Variants in ADAR observed in about 807,000 individuals in gnomAD.
ADAR encodes the protein adenosine deaminase RNA specific, also known as double-stranded RNA-specific adenosine deaminase.
Under a neutral mutation model 113.2 loss-of-function variants are expected in ADAR, and 41 were observed. That is an observed-to-expected ratio of 0.36 (90% CI 0.28 to 0.47). The LOEUF (loss-of-function observed/expected upper bound fraction) is 0.47. Among genes scored for constraint, ADAR ranks in the 20% least tolerant of loss-of-function variants. The pLI is 1.00. For missense variants in ADAR, 1,242 were observed against 1,540.9 expected, an observed-to-expected ratio of 0.81 and a Z score of 3.25; for synonymous variants, 605 against 572.6, an observed-to-expected ratio of 1.06 and a Z score of -0.81.
intron 13 of ADAR, 116 bp downstream of exon 13, chr1:154,585,634 CTTG>C: frequency 1.0e-6 from 1 of 992,832 alleles, no homozygotes; most frequent in Non-Finnish European, 1.6e-6. Flanking sequence ...GCAATGTTCC[CTTG>C]TGGGCTACCA....
Position 154,602,045 on chromosome 1 carries a change from G to C in ADAR, c.597C>G (p.Val199=), listed in dbSNP as rs1697915919. 1 of 1,614,242 alleles carries C rather than the reference G, an allele frequency of 6.2e-7. No individual in the cohort carries two copies. The highest frequency in any genetic ancestry group is 1.3e-5 in the African/African-American group (1 of 75,064). ...TGTGCTGGTTCCAAGCCTGAGTGGA[G>C]ACCGCGATTTTCCACAAAGGGGGTG... The part of the protein sequence containing the change: ...AGTPPLWKIA[V]STQAWNQHSG... Residue 199 remains valine (V), a synonymous_variant, in exon 2 of 15, where the codon GTC becomes GTG. Transcript: ENST00000368474.
Position 154,597,897 on chromosome 1 carries a change from C to A in ADAR, c.1865G>T (p.Cys622Phe). The A allele has an allele frequency of 6.2e-7, 1 of 1,614,164 alleles. No homozygotes were observed. The highest frequency in any genetic ancestry group is 8.5e-7 in the Non-Finnish European group (1 of 1,180,038). ...GCAGGAGTTCCCCAATTTGTGCATA[C>A]ACTCAAGCAGTGTGGTGACGGGGCT... ...GKSPVTTLLE[C>F]MHKLGNSCEF... Residue 622 changes from cysteine to phenylalanine, a missense_variant, in exon 4 of 15, where the codon TGT becomes TTT. Physicochemically the swap from Cys to Phe is radical, Grantham distance 205. This residue lies in a region of ADAR where 780 missense variants were observed against 1,057.9 expected (regional missense o/e 0.74). Transcript: ENST00000368474.
At position 154,584,651 on chromosome 1, in the gene ADAR, A is replaced by G. The variant is rs1696625208; in HGVS notation, c.*155T>C. Reference sequence around the variant, plus strand: ...AGCAATCCCAAAGAAAGCAGGATAAATGGGAACCCAAAGTTTTCAGTATCA... The same window carrying G: ...AGCAATCCCAAAGAAAGCAGGATAAGTGGGAACCCAAAGTTTTCAGTATCA... On this transcript the variant is annotated 3_prime_UTR_variant, in exon 15 of 15. Coordinates refer to ENST00000368474, the MANE Select transcript of ADAR (RefSeq NM_001111.5). 1 of 731,510 alleles carries G rather than the reference A, an allele frequency of 1.4e-6. No homozygotes were observed. The highest frequency in any genetic ancestry group is 2.3e-6 in the Non-Finnish European group (1 of 428,586). The allele number at this position is 731,510 out of a possible 1,614,324, so 45.3% of individuals were successfully genotyped here.
chr1:154,601,408 C>T lies in ADAR; in HGVS notation c.1234G>A (p.Gly412Arg). 6.2e-7 allele frequency: 1 copy of T among 1,614,186 alleles called. No homozygotes were observed. The highest frequency in any genetic ancestry group is 8.5e-7 in the Non-Finnish European group (1 of 1,180,038). Residue 412 changes from glycine to arginine, a missense_variant, in exon 2 of 15, where the codon GGG becomes AGG. Physicochemically the swap from Gly to Arg is moderately radical, Grantham distance 125. Around this residue, in one of 2 missense-constraint regions of ADAR, gnomAD observed 780 missense variants for 1,057.9 expected, o/e 0.74. Coordinates refer to ENST00000368474, the MANE Select transcript of ADAR (RefSeq NM_001111.5). The surrounding 1 kb of genome is among the most constrained non-coding windows in gnomAD (Gnocchi z 4.7). ...TCTAACTTTATGACAGGTTCCTGCC[C>T]ATTCTCCACTTTTTCTGTGGTTACC... ...NMVTTEKVEN[G>R]QEPVIKLENR...
chr1:154,602,236 A>T lies in ADAR; in HGVS notation c.406T>A (p.Tyr136Asn). ...LSSHFQELSI[Y>N]QDQEQRILKF... ...AAGATCCTTTGTTCCTGATCTTGGTAGATACTCAGTTCCTGGAAATGTGAG... is the reference window on the plus strand; with the variant it reads ...AAGATCCTTTGTTCCTGATCTTGGTTGATACTCAGTTCCTGGAAATGTGAG... Residue 136 changes from tyrosine (Y) to asparagine (N), a missense_variant, in exon 2 of 15, where the codon TAC becomes AAC. By Grantham distance (143) the Tyr-to-Asn change is moderately radical. Transcript: ENST00000368474. The T allele has an allele frequency of 6.2e-7, 1 of 1,614,036 alleles. No homozygotes were observed. Among genetic ancestry groups the T allele is most frequent in the South Asian group, 1.1e-5 (1 of 91,074 alleles).
intron 1 of ADAR, chr1:154,605,988 A>G: frequency 1.1e-6 from 1 of 946,346 alleles, no homozygotes; most frequent in Non-Finnish European, 1.3e-6. Flanking sequence ...CATTCATTCT[A>G]TGGAATAGTA....
At chr1:154,585,519 A>G (rs980488671) in intron 13 of ADAR, 175 bp from the exon 14 acceptor site, 128 of 960,546 alleles carry the variant, frequency 1.3e-4, no homozygotes, top group Non-Finnish European at 2.0e-4. Context: ...CTCCACCTCG[A>G]TTCAGATTAA....
Position 154,589,924 on chromosome 1 carries a change from G to C in ADAR, c.2501C>G (p.Pro834Arg). ...RSPEAQPKTL[P>R]LTGSTFHDQI... ...GTCATGGAAGGTGCTGCCAGTGAGA[G>C]GGAGCTGTGGGGAAAAGAGGCTGTG... The change falls in exon 8 of 15, where the codon CCT (proline) becomes CGT (arginine). Residue 834 changes from proline to arginine, a missense_variant. By Grantham distance (103) the Pro-to-Arg change is moderately radical. Coordinates refer to ENST00000368474, the MANE Select transcript of ADAR (RefSeq NM_001111.5). 1 of 1,613,960 alleles carries C rather than the reference G, an allele frequency of 6.2e-7. No homozygotes were observed. The highest frequency in any genetic ancestry group is 8.5e-7 in the Non-Finnish European group (1 of 1,180,020).
intron 7 of ADAR, 116 bp downstream of exon 7, chr1:154,590,068 C>T: frequency 6.7e-7 from 1 of 1,491,840 alleles, no homozygotes; most frequent in Non-Finnish European, 9.3e-7. Context: ...TTACTGCTCT[C>T]TCGAGGCTAA....
At chr1:154,596,457 C>G (rs554835340) in intron 6 of ADAR, among the ~76,000 whole-genome samples, 1 of 152,242 alleles carries the variant, frequency 6.6e-6, no homozygotes, top group East Asian at 1.9e-4. Flanking sequence ...TCCGGCTGGT[C>G]TTGAACTCCC....
intron 1 of ADAR, among the ~76,000 whole-genome samples, chr1:154,619,965 A>T (rs941458757): frequency 6.6e-6 from 1 of 152,240 alleles, no homozygotes; most frequent in African/African-American, 2.4e-5. Flanking sequence ...AAAGACTTGT[A>T]CAAGAATGTC....
At position 154,584,708 on chromosome 1, in the gene ADAR, G is replaced by GA. The variant is rs771140418; in HGVS notation, c.*97dup. On this transcript the variant is annotated 3_prime_UTR_variant, in exon 15 of 15. Coordinates refer to ENST00000368474, the MANE Select transcript of ADAR (RefSeq NM_001111.5). ...ATGGCTTAAAAAGAAAAAAAAAGGA[G>GA]AAAAAAAAATCCCCTGACCATGTGA... The GA allele has an allele frequency of 7.4e-4, 816 of 1,096,744 alleles. No homozygotes were observed. The highest frequency in any genetic ancestry group is 9.3e-4 in the Non-Finnish European group (688 of 741,288). 67.9% of individuals were successfully genotyped at this position (1,096,744 alleles called of 1,614,324 possible).
intron 13 of ADAR, 114 bp from the exon 14 acceptor site, chr1:154,585,458 T>C: frequency 6.7e-7 from 1 of 1,501,282 alleles, no homozygotes; most frequent in South Asian, 1.2e-5. Context: ...ATCTTTCCCC[T>C]GTATTTAGGG....
intron 1 of ADAR, among the ~76,000 whole-genome samples, chr1:154,603,440 C>A (rs1698009128): frequency 6.6e-6 from 1 of 152,150 alleles, no homozygotes; most frequent in Non-Finnish European, 1.5e-5. Context: ...CCCAAACCAC[C>A]CAGGCTCTCC....
chr1:154,608,034 A>G lies in ADAR; in HGVS notation c.-28T>C, dbSNP rs920662274. On this transcript the variant is annotated 5_prime_UTR_variant, in exon 1 of 15. Transcript: ENST00000368474. The stretch of plus-strand genomic sequence containing the variant: ...CGCCCGCGAGGCATTGCCCGGCCCG[A>G]CCCGCCGGCGGCACGACCCTGGCCC... 6.4e-7 allele frequency: 1 copy of G among 1,561,676 alleles called. No homozygotes were observed.
chr1:154,612,318 GTTTTT>G (rs55714254), upstream of ADAR, among the ~76,000 whole-genome samples: 5 of 69,178 alleles, frequency 7.2e-5, no homozygotes, highest in African/African-American at 2.5e-4. Flanking sequence ...AAATTACTCA[GTTTTT>G]TTTTTTTTTT....
chr1:154,608,002 T>C lies in ADAR; in HGVS notation c.5A>G (p.Asn2Ser). 6.2e-7 allele frequency: 1 copy of C among 1,606,264 alleles called. No individual in the cohort carries two copies. The highest frequency in any genetic ancestry group is 8.5e-7 in the Non-Finnish European group (1 of 1,176,724). Residue 2 changes from asparagine (N) to serine (S), a missense_variant, in exon 1 of 15, where the codon AAT becomes AGT. This residue lies in a region of ADAR where 462 missense variants were observed against 483.1 expected (regional missense o/e 0.96). Coordinates refer to ENST00000368474, the MANE Select transcript of ADAR (RefSeq NM_001111.5). M[N>S]PRQGYSLSGY... is the part of the protein sequence containing the mutation. ...GCCGGCCCGGCTTACCTGCCGCGGA[T>C]TCATTGCGCCCGCGAGGCATTGCCC...
At chr1:154,594,758 C>T (rs1170497012) in intron 6 of ADAR, among the ~76,000 whole-genome samples, 1 of 152,178 alleles carries the variant, frequency 6.6e-6, no homozygotes, top group Non-Finnish European at 1.5e-5. Flanking sequence ...GTTCCTAAGT[C>T]CCTATTAAAT....
At chr1:154,625,542 G>T (rs927381719) in intron 1 of ADAR, among the ~76,000 whole-genome samples, 5 of 152,234 alleles carry the variant, frequency 3.3e-5, no homozygotes, top group Non-Finnish European at 7.3e-5. Context: ...TCAACACCGT[G>T]TCAGGTACAT....
Sources: gnomAD v4.1 joint callset for allele counts (sites outside exome capture counted in the v4.1 genomes callset) on GRCh38, gnomAD v4.1.1 for gene constraint, gnomAD v4.1.1 regional missense constraint, Gnocchi (gnomAD v3.1) non-coding constraint, MANE v1.5 for transcripts, NCBI Gene and HGNC (gene_info 2026-07-23, HGNC 2026-07-21) for gene names.